Variants in NEK11 observed in about 807,000 individuals in gnomAD.
The protein encoded by NEK11 is NIMA related kinase 11, also known as serine/threonine-protein kinase Nek11.
Under a neutral mutation model 80.7 loss-of-function variants are expected in NEK11, and 72 were observed. The observed-to-expected ratio is 0.89, with a 90% CI of 0.74 to 1.08. The LOEUF is 1.08. Ranked by LOEUF, NEK11 falls within the 50% of genes least tolerant of loss-of-function variation. NEK11 has a pLI of 0.00. For missense variants in NEK11, 764 were observed against 763.6 expected (o/e 1.00, Z -0.01); for synonymous variants, 251 against 260.7 (o/e 0.96, Z 0.36).
chr3:131,174,788 A>G (rs1280606701), intron 14 of NEK11: 1 of 1,611,112 alleles, frequency 6.2e-7, no homozygotes, highest in Admixed American at 1.7e-5. Flanking sequence ...TGACTTTCAG[A>G]GCAGTGTTTT....
intron 16 of NEK11, among the ~76,000 whole-genome samples, chr3:131,260,984 G>C (rs2108473215): frequency 6.6e-6 from 1 of 152,276 alleles, no homozygotes; most frequent in East Asian, 1.9e-4. Context: ...ATGGCAGGGT[G>C]TTTAGCAGGG....
At chr3:131,215,920 G>A (rs571757259) in intron 14 of NEK11, among the ~76,000 whole-genome samples, 13 of 152,314 alleles carry the variant, frequency 8.5e-5, no homozygotes, top group Non-Finnish European at 1.6e-4. Context: ...CTAGAACAGT[G>A]CTGTCCAGTA....
At chr3:131,349,439 C>G in intron 17 of NEK11, 118 bp from the exon 18 acceptor site, 1 of 828,466 alleles carries the variant, frequency 1.2e-6, no homozygotes, top group Non-Finnish European at 1.9e-6. Context: ...TTTTCTTCCC[C>G]CTTTTTTTCT....
chr3:131,066,930 A>T (rs1366058614), intron 3 of NEK11, among the ~76,000 whole-genome samples: 1 of 151,692 alleles, frequency 6.6e-6, no homozygotes, highest in Non-Finnish European at 1.5e-5. Context: ...CACTTAACAG[A>T]CTCTGTGTCT....
At chr3:131,230,013 T>C (rs1232070824) in intron 15 of NEK11, among the ~76,000 whole-genome samples, 1 of 152,144 alleles carries the variant, frequency 6.6e-6, no homozygotes. Context: ...TCTGAGCCAC[T>C]GTCATAAACA....
At chr3:131,157,086 G>T (rs1425399759) in intron 10 of NEK11, among the ~76,000 whole-genome samples, 1 of 152,002 alleles carries the variant, frequency 6.6e-6, no homozygotes, top group South Asian at 2.1e-4. Flanking sequence ...ATGCAATATT[G>T]TAAAATTCCA....
intron 10 of NEK11, among the ~76,000 whole-genome samples, chr3:131,156,298 T>C (rs2090629353): frequency 6.6e-6 from 1 of 152,242 alleles, no homozygotes; most frequent in South Asian, 2.1e-4. Context: ...GTCTGGATGG[T>C]ATCAGAGAGG....
At chr3:131,259,749 G>T (rs1048958985) in intron 16 of NEK11, among the ~76,000 whole-genome samples, 6 of 152,120 alleles carry the variant, frequency 3.9e-5, no homozygotes, top group African/African-American at 1.4e-4. Context: ...CTACTTGGAG[G>T]GGCATGATTT....
intron 3 of NEK11, among the ~76,000 whole-genome samples, chr3:131,080,039 TTG>T (rs34144326): frequency 0.14 from 21,363 of 148,842 alleles, 1,572 homozygotes; most frequent in Non-Finnish European, 0.16. Flanking sequence ...GTGTGTGTGT[TTG>T]TGTGTGTGTG....
chr3:131,031,707 T>C (rs1331775284), intron 3 of NEK11, among the ~76,000 whole-genome samples: 1 of 152,064 alleles, frequency 6.6e-6, no homozygotes, highest in Non-Finnish European at 1.5e-5. Flanking sequence ...AGTGATTTGT[T>C]AGTGATCTTT....
At chr3:131,241,105 G>A (rs2095512024) in intron 15 of NEK11, among the ~76,000 whole-genome samples, 1 of 152,078 alleles carries the variant, frequency 6.6e-6, no homozygotes, top group Non-Finnish European at 1.5e-5. Flanking sequence ...TAATAGATAG[G>A]AGAATGAAAA....
chr3:131,029,106 A>G (rs1199850773), intron 2 of NEK11, among the ~76,000 whole-genome samples: 4 of 152,364 alleles, frequency 2.6e-5, no homozygotes, highest in African/African-American at 9.6e-5. Context: ...AATAAATACA[A>G]AAACTGTGGT....
At chr3:131,309,987 TAAAAAAAAAAAA>T (rs558210123) in intron 17 of NEK11, among the ~76,000 whole-genome samples, 1,135 of 23,288 alleles carry the variant, frequency 0.049, 13 homozygotes, top group East Asian at 0.092. Context: ...AGACCATGTT[TAAAAAAAAAAAA>T]AAAAAAAAAA....
At chr3:131,174,640 C>A in intron 14 of NEK11, 1 of 1,009,186 alleles carries the variant, frequency 9.9e-7, no homozygotes, top group Non-Finnish European at 1.4e-6. Flanking sequence ...TGAGAAAGTA[C>A]AACTGGAATG....
intron 16 of NEK11, among the ~76,000 whole-genome samples, chr3:131,253,957 T>C (rs2095756552): frequency 1.3e-5 from 2 of 152,178 alleles, no homozygotes; most frequent in South Asian, 4.1e-4. Context: ...AGGGATTTAT[T>C]TATATTACAA....
Position 131,288,456 on chromosome 3 carries a change from T to TCTTTC in NEK11, c.1718+14882_1718+14883insCTTTC, listed in dbSNP as rs377246563. Among the ~76,000 whole-genome samples, 750 of 141,010 alleles carry TCTTTC rather than the reference T, an allele frequency of 5.3e-3. 6 individuals carry two copies. The highest frequency in any genetic ancestry group is 0.018 in the African/African-American group (673 of 38,404). 92.5% of individuals were successfully genotyped at this position (141,010 alleles called of 152,430 possible). A position where few individuals can be genotyped will look rare whatever the true frequency, so the allele number is the denominator to read the frequency against. ...GGTATGCATTTCTTTCTTTCTTTTT[T>TCTTTC]TTTTTTTTTTTTTGAGACGGAGTTT... On this transcript the variant is annotated intron_variant, in intron 17 of 17. Transcript: ENST00000383366.
At chr3:131,124,075 G>A (rs113290243) in intron 5 of NEK11, among the ~76,000 whole-genome samples, 1 of 152,002 alleles carries the variant, frequency 6.6e-6, no homozygotes, top group Admixed American at 6.6e-5. Context: ...GCTGTAACAC[G>A]ACCACGTATC....
intron 15 of NEK11, among the ~76,000 whole-genome samples, chr3:131,242,748 C>T (rs543861130): frequency 1.3e-5 from 2 of 152,118 alleles, no homozygotes; most frequent in Non-Finnish European, 2.9e-5. Context: ...AGTATAACCA[C>T]AAACCTGAAA....
intron 5 of NEK11, among the ~76,000 whole-genome samples, chr3:131,126,396 T>A (rs886700672): frequency 1.3e-5 from 2 of 152,202 alleles, no homozygotes; most frequent in African/African-American, 4.8e-5. Context: ...TGTTTGAAAA[T>A]GTTTTTATTT....
Sources: gnomAD v4.1 joint callset for allele counts (sites outside exome capture counted in the v4.1 genomes callset) on GRCh38, gnomAD v4.1.1 for gene constraint, MANE v1.5 for transcripts, NCBI Gene and HGNC (gene_info 2026-07-23, HGNC 2026-07-21) for gene names.